Variants in PTPRU observed in about 807,000 individuals in gnomAD.
PTPRU encodes the protein protein tyrosine phosphatase receptor type U.
In PTPRU, 69 loss-of-function variants were observed where a neutral mutation model predicts 166.3. The observed-to-expected ratio is 0.41, with a 90% CI of 0.34 to 0.51. PTPRU has a LOEUF of 0.51. Among genes scored for constraint, PTPRU ranks in the 20% least tolerant of loss-of-function variants. The probability of loss-of-function intolerance (pLI) is 0.09; values close to 1 mark genes in which losing one functional copy is unlikely to be tolerated. For missense variants in PTPRU, 1,657 were observed against 2,013.7 expected (o/e 0.82, Z 3.39); for synonymous variants, 793 against 814.0 (o/e 0.97, Z 0.44).
intron 2 of PTPRU, among the ~76,000 whole-genome samples, 191 bp from the exon 3 acceptor site, chr1:29,258,314 G>T (rs981771870): frequency 1.3e-5 from 2 of 152,168 alleles, no homozygotes; most frequent in African/African-American, 4.8e-5. Context: ...ACTGCTCCAG[G>T]TCTCCTGTGG....
At chr1:29,316,922 G>C (rs1026229551) in intron 24 of PTPRU, among the ~76,000 whole-genome samples, 2 of 152,128 alleles carry the variant, frequency 1.3e-5, no homozygotes, top group African/African-American at 2.4e-5. Context: ...ATGGGAAAAG[G>C]CTGGTTCTCC....
chr1:29,315,276 G>T lies in PTPRU; in HGVS notation c.3228-96G>T. 1 of 1,482,186 alleles carries T rather than the reference G, an allele frequency of 6.7e-7. No homozygotes were observed. Among genetic ancestry groups the T allele is most frequent in the South Asian group, 1.2e-5 (1 of 84,588 alleles). 91.8% of individuals were successfully genotyped at this position (1,482,186 alleles called of 1,614,324 possible). On this transcript the variant is annotated intron_variant, in intron 22 of 29. Transcript: ENST00000373779. The surrounding 1 kb of genome is among the most constrained non-coding windows in gnomAD (Gnocchi z 4.5). ...ATCTCTGTGTCCGTGTCCCCTGTAT[G>T]GTGTAGACATGGCCAGTGCCCTCCT...
Position 29,260,169 on chromosome 1 carries a change from C to G in PTPRU, c.850+125C>G. 9.0e-7 allele frequency: 1 copy of G among 1,111,520 alleles called. No individual in the cohort carries two copies. Among genetic ancestry groups the G allele is most frequent in the South Asian group, 2.2e-5 (1 of 44,730 alleles). 68.9% of individuals were successfully genotyped at this position (1,111,520 alleles called of 1,614,324 possible). ...GGGCCGGCAGGGTGTCGCTGGGGCG[C>G]TATCTGAAGATGGGCCTGTGGAAAT... On this transcript the variant is annotated intron_variant, in intron 6 of 29. Transcript: ENST00000373779. The surrounding 1 kb of genome is among the most constrained non-coding windows in gnomAD (Gnocchi z 8.3).
Position 29,315,132 on chromosome 1 carries a change from C to T in PTPRU, c.3228-240C>T, listed in dbSNP as rs573552946. On this transcript the variant is annotated intron_variant, in intron 22 of 29. Transcript: ENST00000373779. The surrounding 1 kb of genome is among the most constrained non-coding windows in gnomAD (Gnocchi z 4.5). ...GAGCCAGTGTCACCTTTGCATTCTC[C>T]CCACCCTCTCTCCTCTCCTTCCCTG... Among the ~76,000 whole-genome samples, 21 of 152,090 alleles carry T rather than the reference C, an allele frequency of 1.4e-4. No homozygotes were observed. Among genetic ancestry groups the T allele is most frequent in the Non-Finnish European group, 2.5e-4 (17 of 68,018 alleles).
At chr1:29,308,254 C>T (rs950609324) in intron 18 of PTPRU, among the ~76,000 whole-genome samples, 2 of 149,426 alleles carry the variant, frequency 1.3e-5, no homozygotes, top group East Asian at 4.0e-4. Flanking sequence ...GGACTACAGG[C>T]GTGTGCTGCC....
intron 14 of PTPRU, among the ~76,000 whole-genome samples, chr1:29,287,740 G>A (rs969140155): frequency 5.3e-5 from 8 of 151,854 alleles, no homozygotes; most frequent in African/African-American, 7.3e-5. Context: ...GACTACAGGC[G>A]CCCACCACCA....
intron 15 of PTPRU, among the ~76,000 whole-genome samples, chr1:29,298,276 C>CAA (rs35978871): frequency 7.9e-5 from 11 of 139,008 alleles, no homozygotes; most frequent in Non-Finnish European, 1.4e-4. Context: ...AAAAAAAAGA[C>CAA]AAAAAAAAAA....
Position 29,317,874 on chromosome 1 carries a change from T to C in PTPRU, c.3640T>C (p.Ser1214Pro). Reference protein sequence around the residue: ...PPDRCLPFLISTDGDSNNYIN... With the variant: ...PPDRCLPFLIPTDGDSNNYIN... ...CGACCGCTGCCTGCCCTTCCTCATC[T>C]CCACTGATGGGGACTCCAACAACTA... The change falls in exon 25 of 30, where the codon TCC becomes CCC. Residue 1214 changes from serine (S) to proline (P), a missense_variant. Ser to Pro is a moderately conservative substitution (Grantham distance 74). Around this residue, in one of 3 missense-constraint regions of PTPRU, gnomAD observed 1,190 missense variants for 1,477.4 expected, o/e 0.81. Transcript: ENST00000373779. The surrounding 1 kb of genome is among the most constrained non-coding windows in gnomAD (Gnocchi z 5.6). The C allele has an allele frequency of 6.2e-7, 1 of 1,613,986 alleles. No homozygotes were observed. The highest frequency in any genetic ancestry group is 8.5e-7 in the Non-Finnish European group (1 of 1,180,006).
chr1:29,287,812 G>A (rs1213390009), intron 14 of PTPRU, among the ~76,000 whole-genome samples: 2 of 151,204 alleles, frequency 1.3e-5, no homozygotes, highest in Admixed American at 1.3e-4. Flanking sequence ...TAGCCAGGAT[G>A]GGTATGTATG....
chr1:29,258,754 C>T lies in PTPRU; in HGVS notation c.455C>T (p.Thr152Ile). ...QWHQAELAVS[T>I]FWPNEYQVLF... is the part of the protein sequence containing the mutation. ...CACCAGGCTGAGCTGGCTGTCAGCACTTTCTGGCCCAATGAATATCAGGTG... is the reference window on the plus strand; with the variant it reads ...CACCAGGCTGAGCTGGCTGTCAGCATTTTCTGGCCCAATGAATATCAGGTG... Residue 152 changes from threonine to isoleucine, a missense_variant, in exon 3 of 30, where the codon ACT becomes ATT. Around this residue, in one of 3 missense-constraint regions of PTPRU, gnomAD observed 453 missense variants for 496.9 expected, o/e 0.91. Coordinates refer to ENST00000373779, the MANE Select transcript of PTPRU (RefSeq NM_133178.4). 6.3e-7 allele frequency: 1 copy of T among 1,587,510 alleles called. No homozygotes were observed.
chr1:29,304,702 T>C lies in PTPRU; in HGVS notation c.2668-72T>C, dbSNP rs1687300528. 1.5e-5 allele frequency: 18 copies of C among 1,211,492 alleles called. No individual in the cohort carries two copies. The South Asian group carries it at 2.1e-4, about 14-fold the overall frequency. The allele number at this position is 1,211,492 out of a possible 1,614,324, so 75.0% of individuals were successfully genotyped here. ...TCCCACCCCCATCCTGCCTACATCA[T>C]CCCCACTGAGGGGAAGGGGCCCTCA... On this transcript the variant is annotated intron_variant, in intron 16 of 29. Transcript: ENST00000373779.
chr1:29,280,873 C>T lies in PTPRU; in HGVS notation c.1868+732C>T, dbSNP rs1233075402. 6.6e-6 allele frequency among the ~76,000 whole-genome samples: 1 copy of T among 152,136 alleles called. No homozygotes were observed. Among genetic ancestry groups the T allele is most frequent in the East Asian group, 1.9e-4 (1 of 5,198 alleles). ...CTTTATCTGCATGAAGCCATTTATC[C>T]TCATGGCAGCCCTGTGGCATGGGTA... On this transcript the variant is annotated intron_variant, in intron 11 of 29. Transcript: ENST00000373779. The surrounding 1 kb of genome is among the most constrained non-coding windows in gnomAD (Gnocchi z 4.2).
At chr1:29,243,744 A>G (rs1684159626) in intron 1 of PTPRU, among the ~76,000 whole-genome samples, 1 of 152,186 alleles carries the variant, frequency 6.6e-6, no homozygotes, top group Non-Finnish European at 1.5e-5. Context: ...TGTGGTCCCC[A>G]GGGCCTATAC....
intron 7 of PTPRU, among the ~76,000 whole-genome samples, chr1:29,272,919 A>AAG (rs1301290052): frequency 0.011 from 1,615 of 149,950 alleles, 47 homozygotes; most frequent in African/African-American, 0.039. Context: ...AAAAAAAAAA[A>AAG]AAAAAAAAGA....
At chr1:29,309,816 G>A (rs1461949325) in intron 18 of PTPRU, among the ~76,000 whole-genome samples, 2 of 152,230 alleles carry the variant, frequency 1.3e-5, no homozygotes, top group African/African-American at 2.4e-5. Flanking sequence ...TCACGAGACC[G>A]GAGGAGTTGC....
At chr1:29,324,175 T>C (rs1688297974) in intron 28 of PTPRU, among the ~76,000 whole-genome samples, 1 of 152,036 alleles carries the variant, frequency 6.6e-6, no homozygotes, top group African/African-American at 2.4e-5. Flanking sequence ...CACCCATCCA[T>C]CCATCCATCC....
At chr1:29,261,443 G>A (rs1459676625) in intron 7 of PTPRU, among the ~76,000 whole-genome samples, 1 of 152,232 alleles carries the variant, frequency 6.6e-6, no homozygotes, top group Non-Finnish European at 1.5e-5. Context: ...TGGTACACCT[G>A]TGCCAGATGA....
chr1:29,317,778 G>A lies in PTPRU; in HGVS notation c.3544G>A (p.Val1182Met), dbSNP rs748129270. The change falls in exon 25 of 30, where the codon GTG (valine) becomes ATG (methionine). Residue 1182 changes from valine (V) to methionine (M), a missense_variant. By Grantham distance (21) the Val-to-Met change is conservative. Coordinates refer to ENST00000373779, the MANE Select transcript of PTPRU (RefSeq NM_133178.4). The surrounding 1 kb of genome is among the most constrained non-coding windows in gnomAD (Gnocchi z 5.6). The part of the protein sequence containing the change: ...TLNSVTPPLD[V>M]EECSIALLPR... ...GAACTCGGTCACCCCGCCGCTGGAC[G>A]TGGAGGAGTGCAGCATCGCCCTGTT... The A allele has an allele frequency of 8.1e-6, 13 of 1,611,830 alleles. 1 individual carries two copies. The highest frequency in any genetic ancestry group is 1.6e-4 in the Middle Eastern group (1 of 6,084).
At chr1:29,308,304 A>C (rs1574706824) in intron 18 of PTPRU, among the ~76,000 whole-genome samples, 1 of 141,860 alleles carries the variant, frequency 7.0e-6, no homozygotes, top group Admixed American at 7.1e-5. Flanking sequence ...TTTTTTTAAG[A>C]GATGGGGTCT....
Sources: gnomAD v4.1 joint callset for allele counts (sites outside exome capture counted in the v4.1 genomes callset) on GRCh38, gnomAD v4.1.1 for gene constraint, gnomAD v4.1.1 regional missense constraint, Gnocchi (gnomAD v3.1) non-coding constraint, MANE v1.5 for transcripts, NCBI Gene and HGNC (gene_info 2026-07-23, HGNC 2026-07-21) for gene names.